Variants in RANBP17 observed in about 807,000 individuals in gnomAD.
RANBP17 encodes ran-binding protein 17.
A neutral mutation model predicts 141.2 loss-of-function variants in RANBP17; 158 were observed. That is an observed-to-expected ratio of 1.12 (90% CI 0.98 to 1.28). The LOEUF is 1.28. RANBP17 is among the 50% of genes most tolerant of loss of function. The pLI is 0.00. For synonymous variants in RANBP17, 430 were observed against 450.0 expected (o/e 0.96, Z 0.56); for missense variants, 1,438 against 1,290.7 (o/e 1.11, Z -1.75).
intron 3 of RANBP17, among the ~76,000 whole-genome samples, chr5:170,884,194 A>G (rs778580897): frequency 3.8e-4 from 58 of 152,198 alleles, no homozygotes; most frequent in Non-Finnish European, 7.3e-4. Flanking sequence ...CTGAGAACAT[A>G]TGATATACAG....
chr5:171,282,067 ATATG>A (rs1767892790), intron 25 of RANBP17, among the ~76,000 whole-genome samples: 1 of 152,232 alleles, frequency 6.6e-6, no homozygotes, highest in Admixed American at 6.5e-5. Flanking sequence ...AAGAAGCTAA[ATATG>A]TATAGCTTAC....
At chr5:171,284,767 C>G (rs903282113) in intron 25 of RANBP17, 1 of 152,124 alleles carries the variant, frequency 6.6e-6, no homozygotes, top group African/African-American at 2.4e-5. Flanking sequence ...TGCTACCCTA[C>G]CCCTCAACTC....
chr5:171,141,672 A>G (rs1306909225), intron 14 of RANBP17, among the ~76,000 whole-genome samples: 1 of 151,842 alleles, frequency 6.6e-6, no homozygotes, highest in African/African-American at 2.4e-5. Flanking sequence ...TCAAGCAAAA[A>G]GCCTAAACTG....
At chr5:171,256,774 A>G (rs1312096740) in intron 24 of RANBP17, among the ~76,000 whole-genome samples, 1 of 152,156 alleles carries the variant, frequency 6.6e-6, no homozygotes, top group East Asian at 1.9e-4. Flanking sequence ...ACTATTATGA[A>G]CAATGATATG....
At chr5:171,201,849 A>G (rs1390642869) in intron 19 of RANBP17, among the ~76,000 whole-genome samples, 1 of 152,250 alleles carries the variant, frequency 6.6e-6, no homozygotes, top group East Asian at 1.9e-4. Context: ...TAAATAATAC[A>G]TGCAAAAGTG....
At chr5:171,011,645 A>G (rs1780043768) in intron 14 of RANBP17, among the ~76,000 whole-genome samples, 1 of 151,880 alleles carries the variant, frequency 6.6e-6, no homozygotes, top group African/African-American at 2.4e-5. Flanking sequence ...TTTTTGGTAA[A>G]CCATTTGAAA....
chr5:171,249,068 T>G (rs970715221), intron 24 of RANBP17, among the ~76,000 whole-genome samples: 1 of 152,186 alleles, frequency 6.6e-6, no homozygotes, highest in African/African-American at 2.4e-5. Flanking sequence ...GCCTGAAGAC[T>G]GAGACCTGCC....
intron 13 of RANBP17, among the ~76,000 whole-genome samples, chr5:170,964,001 G>A (rs189180526): frequency 2.8e-3 from 430 of 152,090 alleles, no homozygotes; most frequent in African/African-American, 9.4e-3. Context: ...TTTTAACCTC[G>A]CCTAAATAAG....
intron 14 of RANBP17, among the ~76,000 whole-genome samples, chr5:171,137,028 T>C (rs1757336189): frequency 6.6e-6 from 1 of 152,172 alleles, no homozygotes; most frequent in Admixed American, 6.5e-5. Context: ...TTCTGATTCC[T>C]GAGAATTATT....
chr5:170,906,853 G>T (rs1771113375), intron 5 of RANBP17, among the ~76,000 whole-genome samples: 1 of 151,846 alleles, frequency 6.6e-6, no homozygotes, highest in African/African-American at 2.4e-5. Context: ...GACAGTCTAA[G>T]CTTTTCTTGC....
chr5:171,105,893 A>T (rs928461856), intron 14 of RANBP17, among the ~76,000 whole-genome samples: 1 of 152,158 alleles, frequency 6.6e-6, no homozygotes, highest in Non-Finnish European at 1.5e-5. Context: ...TTTATTATAC[A>T]TTCTTACCTT....
intron 14 of RANBP17, among the ~76,000 whole-genome samples, chr5:171,009,595 G>C (rs1355033264): frequency 6.6e-6 from 1 of 152,138 alleles, no homozygotes; most frequent in Non-Finnish European, 1.5e-5. Context: ...CTTTTCTTAT[G>C]ATAAAATTTT....
chr5:171,127,795 G>A (rs972268281), intron 14 of RANBP17, among the ~76,000 whole-genome samples: 1 of 152,178 alleles, frequency 6.6e-6, no homozygotes, highest in Non-Finnish European at 1.5e-5. Context: ...AAATAGTATA[G>A]AGGTTTCTTG....
intron 13 of RANBP17, among the ~76,000 whole-genome samples, chr5:170,954,075 A>C (rs900286451): frequency 3.3e-5 from 5 of 152,144 alleles, no homozygotes; most frequent in African/African-American, 4.8e-5. Flanking sequence ...AGGTTTTGTC[A>C]CCTATTGGCC....
chr5:171,080,473 G>T (rs935552795), intron 14 of RANBP17, among the ~76,000 whole-genome samples: 41 of 152,252 alleles, frequency 2.7e-4, no homozygotes, highest in African/African-American at 9.9e-4. Flanking sequence ...ATTTTACTTG[G>T]TGATTTGATA....
chr5:171,200,424 GCTGT>G (rs1160570661), intron 19 of RANBP17, among the ~76,000 whole-genome samples: 4 of 152,274 alleles, frequency 2.6e-5, no homozygotes, highest in African/African-American at 9.6e-5. Flanking sequence ...AGTGTAGCAA[GCTGT>G]CTGTGACAAA....
chr5:170,891,583 A>G (rs1769611835), intron 3 of RANBP17, among the ~76,000 whole-genome samples: 1 of 152,210 alleles, frequency 6.6e-6, no homozygotes, highest in African/African-American at 2.4e-5. Context: ...TACGGTTAGC[A>G]TGGCTGGGGA....
At chr5:171,275,378 A>G (rs1767422271) in intron 25 of RANBP17, among the ~76,000 whole-genome samples, 1 of 152,232 alleles carries the variant, frequency 6.6e-6, no homozygotes, top group African/African-American at 2.4e-5. Flanking sequence ...AATAACTGTC[A>G]AAGTCATCTC....
chr5:171,247,584 CATTCA>C (rs1417533168), intron 24 of RANBP17, among the ~76,000 whole-genome samples: 1 of 152,138 alleles, frequency 6.6e-6, no homozygotes, highest in East Asian at 1.9e-4. Context: ...TAGTTAATTT[CATTCA>C]TTAGCATTTT....
Sources: allele counts gnomAD v4.1 joint callset (sites outside exome capture counted in the v4.1 genomes callset), GRCh38; gene constraint gnomAD v4.1.1; transcripts MANE v1.5; gene names NCBI Gene and HGNC (gene_info 2026-07-23, HGNC 2026-07-21).